Variants in SRPK2 observed in about 807,000 individuals in gnomAD.
The protein encoded by SRPK2 is SRSF protein kinase 2.
In SRPK2, 21 loss-of-function variants were observed where a neutral mutation model predicts 90.8. That is an observed-to-expected ratio of 0.23 (90% CI 0.16 to 0.33). The LOEUF (loss-of-function observed/expected upper bound fraction) is 0.33. Among genes scored for constraint, SRPK2 ranks in the 10% least tolerant of loss-of-function variants. SRPK2 has a pLI of 1.00. For synonymous variants in SRPK2, 288 were observed against 311.1 expected (o/e 0.93, Z 0.78); for missense variants, 620 against 869.0 (o/e 0.71, Z 3.60).
intron 2 of SRPK2, among the ~76,000 whole-genome samples, chr7:105,306,832 A>G (rs1383619012): frequency 6.6e-6 from 1 of 152,208 alleles, no homozygotes; most frequent in African/African-American, 2.4e-5. Flanking sequence ...AAACAATACA[A>G]AGGAGGAGAC....
chr7:105,195,196 C>T (rs536475389), intron 3 of SRPK2, among the ~76,000 whole-genome samples: 5 of 152,206 alleles, frequency 3.3e-5, no homozygotes, highest in African/African-American at 4.8e-5. Flanking sequence ...ACTACAGGCG[C>T]GTGCCACCGT....
chr7:105,232,943 T>C (rs11973021), intron 2 of SRPK2, among the ~76,000 whole-genome samples: 142,115 of 151,992 alleles, frequency 0.94, 66,470 homozygotes, highest in East Asian at 0.98. Context: ...ATCACTGAAC[T>C]TGGGAGGCGG....
At chr7:105,362,034 C>T (rs1818481471) in intron 2 of SRPK2, among the ~76,000 whole-genome samples, 1 of 152,072 alleles carries the variant, frequency 6.6e-6, no homozygotes, top group African/African-American at 2.4e-5. Flanking sequence ...TCAGAGTGAA[C>T]ACGCACTACA....
intron 2 of SRPK2, among the ~76,000 whole-genome samples, chr7:105,212,366 C>T (rs897672258): frequency 4.6e-5 from 7 of 152,254 alleles, no homozygotes; most frequent in African/African-American, 1.7e-4. Context: ...AGCAACTGCT[C>T]CTGGTATCGT....
At chr7:105,328,561 C>CAGAAAAAA (rs1491147432) in intron 2 of SRPK2, among the ~76,000 whole-genome samples, 6 of 47,196 alleles carry the variant, frequency 1.3e-4, no homozygotes, top group Non-Finnish European at 1.4e-4. Context: ...GGCTCTGTCT[C>CAGAAAAAA]AAAAAAAAAA....
intron 2 of SRPK2, among the ~76,000 whole-genome samples, chr7:105,309,205 A>C (rs1037014848): frequency 2.0e-5 from 3 of 152,166 alleles, no homozygotes; most frequent in Non-Finnish European, 2.9e-5. Flanking sequence ...TTCTTCAGGC[A>C]AGTCTATAAA....
At chr7:105,353,713 AAC>A (rs763679729) in intron 2 of SRPK2, among the ~76,000 whole-genome samples, 2 of 152,126 alleles carry the variant, frequency 1.3e-5, no homozygotes, top group Non-Finnish European at 2.9e-5. Flanking sequence ...GGAACAGAAA[AAC>A]ACTTTCCTTC....
At chr7:105,355,514 C>A (rs1192830925) in intron 2 of SRPK2, among the ~76,000 whole-genome samples, 1 of 151,934 alleles carries the variant, frequency 6.6e-6, no homozygotes, top group Non-Finnish European at 1.5e-5. Flanking sequence ...ATTAGCCAGG[C>A]ATGGTGGAGC....
chr7:105,266,760 C>G (rs1330645144), intron 2 of SRPK2, among the ~76,000 whole-genome samples: 1 of 151,998 alleles, frequency 6.6e-6, no homozygotes, highest in Admixed American at 6.6e-5. Context: ...AATTCCTGGA[C>G]AGGATATAGT....
intron 3 of SRPK2, among the ~76,000 whole-genome samples, chr7:105,196,131 G>A (rs1409452874): frequency 6.6e-6 from 1 of 152,110 alleles, no homozygotes; most frequent in Non-Finnish European, 1.5e-5. Context: ...AATCTCCTTG[G>A]TCTCCATAAA....
intron 2 of SRPK2, among the ~76,000 whole-genome samples, chr7:105,210,210 T>C (rs934434242): frequency 2.6e-5 from 4 of 152,226 alleles, no homozygotes; most frequent in Non-Finnish European, 5.9e-5. Flanking sequence ...AGATGGCAAC[T>C]GACACAATTT....
intron 2 of SRPK2, among the ~76,000 whole-genome samples, chr7:105,251,468 T>C (rs1802471660): frequency 6.6e-6 from 1 of 152,208 alleles, no homozygotes; most frequent in South Asian, 2.1e-4. Flanking sequence ...CCTCCCAAAG[T>C]GCTGGGATTA....
In SRPK2 at chr7:105,388,701, C is replaced by T; in HGVS notation, c.18G>A (p.Val6=). Residue 6 remains valine, a splice_region_variant and synonymous_variant, in exon 2 of 16, where the codon GTG becomes GTA. Transcript: ENST00000393651. ...TCCGCTTTCGGGCCTGAATGGCCAGCACTGGGGAAGAGAAGACACACATTA... is the reference window on the plus strand; with the variant it reads ...TCCGCTTTCGGGCCTGAATGGCCAGTACTGGGGAAGAGAAGACACACATTA... MSSRK[V]LAIQARKRRP... 1.9e-6 allele frequency: 3 copies of T among 1,584,092 alleles called. No individual in the cohort carries two copies. Among genetic ancestry groups the T allele is most frequent in the Non-Finnish European group, 2.6e-6 (3 of 1,164,594 alleles).
rs534796500 is a variant in SRPK2, at chr7:105,331,077, G to A, written c.71+57571C>T. On this transcript the variant is annotated intron_variant, in intron 2 of 15. Coordinates refer to ENST00000393651, the MANE Select transcript of SRPK2 (RefSeq NM_182692.3). ...AGCACTTTGGGAGGCCGAGGTAGGT[G>A]GTTCACTTGAGGTCAGGAGTTTGAC... 2.0e-5 allele frequency among the ~76,000 whole-genome samples: 3 copies of A among 151,882 alleles called. No homozygotes were observed. The South Asian group carries it at 6.2e-4, about 31-fold the overall frequency.
chr7:105,228,412 A>C (rs568096769), intron 2 of SRPK2, among the ~76,000 whole-genome samples: 13 of 152,376 alleles, frequency 8.5e-5, no homozygotes, highest in African/African-American at 3.1e-4. Flanking sequence ...GAAATTGCTG[A>C]AATTCCAATT....
At chr7:105,325,130 TC>T (rs1563240174) in intron 2 of SRPK2, among the ~76,000 whole-genome samples, 1 of 152,090 alleles carries the variant, frequency 6.6e-6, no homozygotes, top group Non-Finnish European at 1.5e-5. Context: ...AATCAAGTGA[TC>T]TAAGTCTTCA....
At chr7:105,327,304 T>C (rs891604204) in intron 2 of SRPK2, among the ~76,000 whole-genome samples, 1 of 152,232 alleles carries the variant, frequency 6.6e-6, no homozygotes, top group Non-Finnish European at 1.5e-5. Context: ...TAAACGAAGT[T>C]TGATTGGAAC....
intron 3 of SRPK2, among the ~76,000 whole-genome samples, chr7:105,200,114 C>T (rs569349201): frequency 3.4e-4 from 51 of 152,152 alleles, no homozygotes; most frequent in Non-Finnish European, 6.0e-4. Flanking sequence ...CCAGCCTGGC[C>T]AACATGGTGA....
At chr7:105,330,254 G>T (rs1435772928) in intron 2 of SRPK2, among the ~76,000 whole-genome samples, 1 of 151,532 alleles carries the variant, frequency 6.6e-6, no homozygotes, top group Non-Finnish European at 1.5e-5. Flanking sequence ...GCAGAATGGC[G>T]TCAACCCAGG....
Sources: gnomAD v4.1 joint callset for allele counts (sites outside exome capture counted in the v4.1 genomes callset) on GRCh38, gnomAD v4.1.1 for gene constraint, MANE v1.5 for transcripts, NCBI Gene and HGNC (gene_info 2026-07-23, HGNC 2026-07-21) for gene names.